Variants in CACNA2D3 observed in about 807,000 individuals in gnomAD.
The protein encoded by CACNA2D3 is voltage-dependent calcium channel subunit alpha-2/delta-3.
A neutral mutation model predicts 160.6 loss-of-function variants in CACNA2D3; 60 were observed. That is an observed-to-expected ratio of 0.37 (90% confidence interval 0.30 to 0.46). The LOEUF (loss-of-function observed/expected upper bound fraction) is 0.46. CACNA2D3 is among the 20% of genes least tolerant of loss of function. The pLI is 1.00. For missense variants in CACNA2D3, 1,205 were observed against 1,365.0 expected (o/e 0.88, Z 1.85); for synonymous variants, 558 against 492.9 (o/e 1.13, Z -1.75).
intron 2 of CACNA2D3, among the ~76,000 whole-genome samples, chr3:54,177,336 A>G (rs557200600): frequency 1.3e-5 from 2 of 152,286 alleles, no homozygotes; most frequent in South Asian, 4.1e-4. Context: ...GTCTTGGACC[A>G]ACATTATTTT....
intron 5 of CACNA2D3, among the ~76,000 whole-genome samples, chr3:54,532,117 A>G (rs1044227026): frequency 6.6e-6 from 1 of 152,186 alleles, no homozygotes; most frequent in African/African-American, 2.4e-5. Flanking sequence ...TGTAGGGGGT[A>G]AAAGTGTGGG....
intron 11 of CACNA2D3, among the ~76,000 whole-genome samples, chr3:54,731,150 C>A (rs957692617): frequency 1.3e-5 from 2 of 152,046 alleles, no homozygotes; most frequent in African/African-American, 2.4e-5. Flanking sequence ...AGTTATAGGT[C>A]GAAATGATTG....
chr3:54,904,309 C>G (rs1346803176), intron 27 of CACNA2D3, among the ~76,000 whole-genome samples: 1 of 152,186 alleles, frequency 6.6e-6, no homozygotes, highest in Non-Finnish European at 1.5e-5. Flanking sequence ...TCTACCATAT[C>G]AGGGTAGAAA....
chr3:54,141,094 C>CGCGTGCGCACGT (rs1553731353), intron 2 of CACNA2D3, among the ~76,000 whole-genome samples: 1 of 81,892 alleles, frequency 1.2e-5, no homozygotes, highest in Admixed American at 1.1e-4. Context: ...TGTGCGCGCG[C>CGCGTGCGCACGT]GCGCGTGTGT....
chr3:54,507,602 A>C (rs1207218090), intron 5 of CACNA2D3, among the ~76,000 whole-genome samples: 1 of 152,166 alleles, frequency 6.6e-6, no homozygotes, highest in East Asian at 1.9e-4. Flanking sequence ...TGGTTCTTAT[A>C]AGCAACAGAA....
At chr3:54,524,345 G>T (rs931481320) in intron 5 of CACNA2D3, among the ~76,000 whole-genome samples, 5 of 152,002 alleles carry the variant, frequency 3.3e-5, no homozygotes, top group Non-Finnish European at 7.4e-5. Flanking sequence ...TAATTTTATT[G>T]CATTGTGGTC....
rs114949909 is a variant in CACNA2D3, at chr3:54,612,941, C to T, written c.964-14846C>T. Among the ~76,000 whole-genome samples the T allele has an allele frequency of 2.4e-3, 370 of 152,256 alleles. 2 individuals are homozygous for T. The highest frequency in any genetic ancestry group is 8.2e-3 in the African/African-American group (342 of 41,538). Reference sequence around the variant, plus strand: ...GGAGGGGCCCCTGTATTTGCTGTGGCTCAGGGATACAGGAAAGGGTTTTGG... The same window carrying T: ...GGAGGGGCCCCTGTATTTGCTGTGGTTCAGGGATACAGGAAAGGGTTTTGG... On this transcript the variant is annotated intron_variant, in intron 9 of 37. Coordinates refer to ENST00000474759, the MANE Select transcript of CACNA2D3 (RefSeq NM_018398.3).
At chr3:54,792,036 A>T (rs1487721252) in intron 13 of CACNA2D3, among the ~76,000 whole-genome samples, 3 of 152,208 alleles carry the variant, frequency 2.0e-5, no homozygotes, top group African/African-American at 7.2e-5. Flanking sequence ...GGCTTTTCCA[A>T]AGAAGCCATC....
At chr3:54,770,102 C>G (rs77441399) in intron 13 of CACNA2D3, among the ~76,000 whole-genome samples, 2 of 152,210 alleles carry the variant, frequency 1.3e-5, no homozygotes, top group Non-Finnish European at 1.5e-5. Context: ...CCGACACTTG[C>G]GGCTGCAGCT....
At chr3:54,898,451 G>C (rs983680762) in intron 26 of CACNA2D3, among the ~76,000 whole-genome samples, 1 of 152,112 alleles carries the variant, frequency 6.6e-6, no homozygotes, top group African/African-American at 2.4e-5. Context: ...TCTAACTGCT[G>C]ACCTAAAGTG....
chr3:54,533,794 AGTGTGTGTGTGTG>A (rs1333694819), intron 5 of CACNA2D3, among the ~76,000 whole-genome samples: 1 of 149,756 alleles, frequency 6.7e-6, no homozygotes, highest in Non-Finnish European at 1.5e-5. Flanking sequence ...AATGGAAAAT[AGTGTGTGTGTGTG>A]TGTGTGTGTG....
At position 54,638,113 on chromosome 3, in the gene CACNA2D3, T is replaced by C. The variant is rs186165475; in HGVS notation, c.1054-4015T>C. ...TGAAGGTGAGGTTAATTAAGTCCTGTTGTGGGGTTTGAGGGCCAGATTCCA... is the reference window on the plus strand; with the variant it reads ...TGAAGGTGAGGTTAATTAAGTCCTGCTGTGGGGTTTGAGGGCCAGATTCCA... On this transcript the variant is annotated intron_variant, in intron 10 of 37. Transcript: ENST00000474759. 6 of 152,090 alleles carry C rather than the reference T, an allele frequency of 3.9e-5. No individual in the cohort carries two copies. The East Asian group carries it at 1.2e-3, about 29-fold the overall frequency. The allele number at this position is 152,090 out of a possible 1,614,324, so 9.4% of individuals were successfully genotyped here.
intron 2 of CACNA2D3, among the ~76,000 whole-genome samples, chr3:54,209,802 C>T (rs995508775): frequency 6.6e-6 from 1 of 152,200 alleles, no homozygotes; most frequent in Non-Finnish European, 1.5e-5. Flanking sequence ...TGATCTTAAA[C>T]TTTTTATTAT....
chr3:54,593,289 AAG>A (rs1469787592), intron 9 of CACNA2D3, among the ~76,000 whole-genome samples: 1 of 152,310 alleles, frequency 6.6e-6, no homozygotes, highest in Admixed American at 6.5e-5. Context: ...ATTACCACAA[AAG>A]AGTGATAATC....
At chr3:54,715,843 CAGAA>C (rs1425184497) in intron 11 of CACNA2D3, among the ~76,000 whole-genome samples, 1 of 152,136 alleles carries the variant, frequency 6.6e-6, no homozygotes, top group African/African-American at 2.4e-5. Flanking sequence ...AAGCCAAACA[CAGAA>C]AGACAAATAT....
At chr3:54,738,439 A>C (rs1701575562) in intron 11 of CACNA2D3, among the ~76,000 whole-genome samples, 1 of 152,206 alleles carries the variant, frequency 6.6e-6, no homozygotes, top group African/African-American at 2.4e-5. Context: ...CATTTTGAAA[A>C]AGTCAACTCA....
intron 13 of CACNA2D3, among the ~76,000 whole-genome samples, chr3:54,808,553 C>T (rs958416881): frequency 2.6e-5 from 4 of 151,960 alleles, no homozygotes; most frequent in East Asian, 1.9e-4. Context: ...TTGCTGTGGC[C>T]GAGGGAAAGC....
At chr3:54,992,780 G>GAAAA (rs5849065) in intron 31 of CACNA2D3, among the ~76,000 whole-genome samples, 1 of 137,366 alleles carries the variant, frequency 7.3e-6, no homozygotes, top group Admixed American at 7.1e-5. Context: ...TGAACAACAA[G>GAAAA]AAAAAAAAAA....
chr3:54,726,812 T>G (rs533223175), intron 11 of CACNA2D3, among the ~76,000 whole-genome samples: 7 of 152,288 alleles, frequency 4.6e-5, no homozygotes, highest in African/African-American at 1.7e-4. Flanking sequence ...ATAAAAATCC[T>G]GTAAGGAAAC....
Sources: allele counts gnomAD v4.1 joint callset (sites outside exome capture counted in the v4.1 genomes callset), GRCh38; gene constraint gnomAD v4.1.1; transcripts MANE v1.5; gene names NCBI Gene and HGNC (gene_info 2026-07-23, HGNC 2026-07-21).